CCSER1: variants seen among roughly 807,000 people sequenced by gnomAD.
CCSER1 encodes the protein coiled-coil serine rich protein 1.
In CCSER1, 41 loss-of-function variants were observed where a neutral mutation model predicts 82.0. The ratio of observed to expected loss-of-function variants is 0.50; its 90% CI spans 0.39 to 0.65. The LOEUF (loss-of-function observed/expected upper bound fraction) is 0.65, where lower values mean the gene tolerates loss of function less well. Among genes scored for constraint, CCSER1 ranks in the 30% least tolerant of loss-of-function variants. The probability of loss-of-function intolerance (pLI) is 0.00; values close to 1 mark genes in which losing one functional copy is unlikely to be tolerated. For missense variants in CCSER1, 1,119 were observed against 1,064.2 expected (o/e 1.05, Z -0.72); for synonymous variants, 414 against 383.9 (o/e 1.08, Z -0.92).
chr4:90,148,109 G>A, intron 1 of CCSER1, among the ~76,000 whole-genome samples: 1 of 152,102 alleles, frequency 6.6e-6, no homozygotes, highest in East Asian at 1.9e-4. Context: ...AGGTTGCAGT[G>A]AGCCAAGATT....
At chr4:91,079,899 G>A (rs1278955163) in intron 9 of CCSER1, among the ~76,000 whole-genome samples, 1 of 152,136 alleles carries the variant, frequency 6.6e-6, no homozygotes, top group Non-Finnish European at 1.5e-5. Flanking sequence ...CAATACAGGA[G>A]CACCCAGATT....
intron 6 of CCSER1, among the ~76,000 whole-genome samples, chr4:90,638,769 G>A (rs1442232187): frequency 6.6e-6 from 1 of 152,100 alleles, no homozygotes. Context: ...TCCTCTTGGA[G>A]AGATTAGAGA....
At chr4:90,297,211 C>A (rs1429796168) in intron 1 of CCSER1, among the ~76,000 whole-genome samples, 3 of 150,174 alleles carry the variant, frequency 2.0e-5, no homozygotes, top group Non-Finnish European at 4.4e-5. Flanking sequence ...TCCTTCACAT[C>A]CCTTGTAAGT....
intron 8 of CCSER1, among the ~76,000 whole-genome samples, chr4:90,839,871 A>G (rs1415500292): frequency 6.6e-6 from 1 of 152,194 alleles, no homozygotes; most frequent in Admixed American, 6.5e-5. Context: ...AGGGAAGTAT[A>G]AAGGATTGAT....
intron 9 of CCSER1, among the ~76,000 whole-genome samples, chr4:91,039,016 T>C (rs1417820434): frequency 6.6e-6 from 1 of 152,072 alleles, no homozygotes; most frequent in Non-Finnish European, 1.5e-5. Flanking sequence ...GAGAATCATT[T>C]ACATATTCCT....
chr4:90,132,864 T>C (rs1723036945), intron 1 of CCSER1, among the ~76,000 whole-genome samples: 1 of 152,356 alleles, frequency 6.6e-6, no homozygotes, highest in African/African-American at 2.4e-5. Context: ...TAAACTGTGC[T>C]TTGATACTAA....
chr4:90,798,137 C>T (rs190296050), intron 7 of CCSER1, among the ~76,000 whole-genome samples: 10 of 152,256 alleles, frequency 6.6e-5, no homozygotes, highest in Admixed American at 3.9e-4. Context: ...GGTCTCTTTA[C>T]GTAATGCCGT....
intron 5 of CCSER1, among the ~76,000 whole-genome samples, chr4:90,522,923 G>A (rs959887246): frequency 1.3e-5 from 2 of 151,942 alleles, no homozygotes; most frequent in East Asian, 3.9e-4. Flanking sequence ...TCTTAGAGTG[G>A]TTTTTCTACA....
At chr4:90,960,601 C>T (rs529103587) in intron 9 of CCSER1, among the ~76,000 whole-genome samples, 3 of 152,280 alleles carry the variant, frequency 2.0e-5, no homozygotes, top group African/African-American at 7.2e-5. Context: ...TATCTTCTTC[C>T]AGTGTCACTT....
intron 1 of CCSER1, among the ~76,000 whole-genome samples, chr4:90,161,567 A>C (rs1729445518): frequency 6.6e-6 from 1 of 151,864 alleles, no homozygotes; most frequent in Non-Finnish European, 1.5e-5. Context: ...TTTTAATGAG[A>C]ATGTTTAAAT....
intron 1 of CCSER1, among the ~76,000 whole-genome samples, chr4:90,280,866 G>A (rs1341485786): frequency 6.6e-6 from 1 of 151,940 alleles, no homozygotes; most frequent in Non-Finnish European, 1.5e-5. Context: ...TTTCAGCTTA[G>A]ATTATTATTT....
chr4:91,134,352 TGCC>T (rs1336164028), intron 10 of CCSER1, among the ~76,000 whole-genome samples: 1 of 151,460 alleles, frequency 6.6e-6, no homozygotes, highest in East Asian at 1.9e-4. Flanking sequence ...GCTTTGATCA[TGCC>T]ACTCACACCA....
intron 10 of CCSER1, among the ~76,000 whole-genome samples, chr4:91,441,560 C>T (rs1274748225): frequency 1.3e-5 from 2 of 152,266 alleles, no homozygotes; most frequent in African/African-American, 2.4e-5. Flanking sequence ...AAAACTGGCA[C>T]AAGACAGGGA....
chr4:91,107,317 T>C (rs1408275474), intron 10 of CCSER1, among the ~76,000 whole-genome samples: 4 of 152,142 alleles, frequency 2.6e-5, no homozygotes, highest in African/African-American at 7.2e-5. Flanking sequence ...TGCAGTGGCG[T>C]GATCTTGGCT....
At chr4:90,549,184 G>A (rs139619234) in intron 5 of CCSER1, among the ~76,000 whole-genome samples, 10 of 152,266 alleles carry the variant, frequency 6.6e-5, no homozygotes, top group African/African-American at 9.6e-5. Context: ...TTTAACAAAT[G>A]TTAGTTGGCC....
intron 1 of CCSER1, among the ~76,000 whole-genome samples, chr4:90,184,350 G>GT (rs1347941343): frequency 6.6e-6 from 1 of 152,136 alleles, no homozygotes; most frequent in African/African-American, 2.4e-5. Context: ...GCACCAAAGA[G>GT]TAAGTTTCTA....
chr4:91,124,517 C>T (rs963668269), intron 10 of CCSER1, among the ~76,000 whole-genome samples: 1 of 151,792 alleles, frequency 6.6e-6, no homozygotes, highest in African/African-American at 2.4e-5. Flanking sequence ...TCCCCATCTC[C>T]CTCATCCCAT....
At chr4:90,280,573 G>A (rs544006228) in intron 1 of CCSER1, among the ~76,000 whole-genome samples, 1 of 151,996 alleles carries the variant, frequency 6.6e-6, no homozygotes, top group South Asian at 2.1e-4. Context: ...AAATTGTATG[G>A]TGTTTGATTG....
intron 5 of CCSER1, among the ~76,000 whole-genome samples, chr4:90,607,933 A>G (rs1379478371): frequency 2.0e-5 from 3 of 152,214 alleles, no homozygotes; most frequent in Non-Finnish European, 4.4e-5. Flanking sequence ...TAAGGCAGAA[A>G]TAACACATAA....
Sources: gnomAD v4.1 joint callset for allele counts (sites outside exome capture counted in the v4.1 genomes callset) on GRCh38, gnomAD v4.1.1 for gene constraint, MANE v1.5 for transcripts, NCBI Gene and HGNC (gene_info 2026-07-23, HGNC 2026-07-21) for gene names.